The following KLHL3 variants were observed in gnomAD, a reference collection of about 807,000 sequenced individuals.
KLHL3 encodes kelch-like protein 3.
Under a neutral mutation model 70.5 loss-of-function variants are expected in KLHL3, and 19 were observed. The observed-to-expected ratio is 0.27, with a 90% CI of 0.19 to 0.40. The LOEUF (loss-of-function observed/expected upper bound fraction) is 0.40, where lower values mean the gene tolerates loss of function less well. Ranked by LOEUF, KLHL3 falls within the 10% of genes least tolerant of loss-of-function variation. The pLI, the probability that KLHL3 is intolerant of heterozygous loss-of-function variation, is 1.00. For synonymous variants in KLHL3, 258 were observed against 290.3 expected, an observed-to-expected ratio of 0.89 and a Z score of 1.13; for missense variants, 512 against 771.1, an observed-to-expected ratio of 0.66 and a Z score of 3.98.
intron 8 of KLHL3, among the ~76,000 whole-genome samples, chr5:137,650,993 A>G (rs1751187112): frequency 1.3e-5 from 2 of 152,228 alleles, no homozygotes; most frequent in African/African-American, 4.8e-5. Context: ...GGCTTGAATC[A>G]AACATTCTAG....
At chr5:137,624,138 T>C (rs1052713342) in intron 14 of KLHL3, among the ~76,000 whole-genome samples, 7 of 152,230 alleles carry the variant, frequency 4.6e-5, no homozygotes, top group African/African-American at 1.7e-4. Context: ...TTTTTGCTAT[T>C]ACAAGTAAGG....
intron 8 of KLHL3, among the ~76,000 whole-genome samples, chr5:137,652,180 A>G (rs1751217443): frequency 6.6e-6 from 1 of 152,198 alleles, no homozygotes; most frequent in Non-Finnish European, 1.5e-5. Flanking sequence ...AAAATAAACC[A>G]TAACAGAAAA....
rs145587873 is a variant in KLHL3 at position 137,630,850 on chromosome 5, G to A, written c.1451-2413C>T. On this transcript the variant is annotated intron_variant, in intron 12 of 14. Transcript: ENST00000309755. ...GGCAATGGCCCCACGTTCAGGAAGGGCCAACCTGTCAGAATCAGCAGAGAC... is the reference window on the plus strand; with the variant it reads ...GGCAATGGCCCCACGTTCAGGAAGGACCAACCTGTCAGAATCAGCAGAGAC... Among the ~76,000 whole-genome samples, 1,239 of 152,216 alleles carry A rather than the reference G, an allele frequency of 8.1e-3. 17 individuals are homozygous for A. The highest frequency in any genetic ancestry group is 0.028 in the African/African-American group (1,166 of 41,520).
intron 1 of KLHL3, among the ~76,000 whole-genome samples, chr5:137,727,226 CCT>C (rs148720291): frequency 1.2e-4 from 18 of 150,014 alleles, no homozygotes; most frequent in Non-Finnish European, 1.2e-4. Flanking sequence ...TATCTTCCTC[CCT>C]CTCTCTCTCT....
chr5:137,709,717 T>A, intron 3 of KLHL3, 33 bp downstream of exon 3: 3 of 1,524,590 alleles, frequency 2.0e-6, no homozygotes, highest in Non-Finnish European at 2.7e-6. Flanking sequence ...TGCAGCCCCA[T>A]AACCATGGGT....
chr5:137,707,063 G>A (rs1752699251), intron 3 of KLHL3, among the ~76,000 whole-genome samples: 1 of 152,178 alleles, frequency 6.6e-6, no homozygotes, highest in Non-Finnish European at 1.5e-5. Flanking sequence ...ATGAACGGGA[G>A]TCAGACAGGC....
intron 3 of KLHL3, chr5:137,706,129 G>A (rs1262724354): frequency 2.0e-6 from 2 of 985,248 alleles, no homozygotes; most frequent in African/African-American, 3.5e-5. Flanking sequence ...ACCACCTCAG[G>A]ACATTTGGGC....
Position 137,698,428 on chromosome 5 carries a change from C to A in KLHL3, c.242-20G>T, listed in dbSNP as rs1457510201. The A allele has an allele frequency of 6.2e-7, 1 of 1,613,766 alleles. No homozygotes were observed. Among genetic ancestry groups the A allele is most frequent in the Non-Finnish European group, 8.5e-7 (1 of 1,179,886 alleles). On this transcript the variant is annotated intron_variant, in intron 3 of 14. Transcript: ENST00000309755. The stretch of plus-strand genomic sequence containing the variant: ...TGTCACCTAGAGTTTACAACAAAAA[C>A]AAAATGACATAAATGTGGTACCTGG...
chr5:137,698,711 A>G (rs1281516648), intron 3 of KLHL3, among the ~76,000 whole-genome samples: 1 of 152,224 alleles, frequency 6.6e-6, no homozygotes. Flanking sequence ...GTAAACTTCC[A>G]TATACAAGGC....
At chr5:137,696,959 G>C (rs1752459609) in intron 4 of KLHL3, among the ~76,000 whole-genome samples, 1 of 152,100 alleles carries the variant, frequency 6.6e-6, no homozygotes, top group Admixed American at 6.5e-5. Context: ...AGCTCTCACA[G>C]CCATTTAACC....
intron 7 of KLHL3, among the ~76,000 whole-genome samples, chr5:137,658,614 A>G (rs1295446274): frequency 1.3e-5 from 2 of 152,206 alleles, no homozygotes; most frequent in African/African-American, 4.8e-5. Context: ...ACAAAAGACA[A>G]GTAGCCATCC....
intron 1 of KLHL3, among the ~76,000 whole-genome samples, chr5:137,727,796 T>A (rs1753108682): frequency 6.6e-6 from 1 of 152,178 alleles, no homozygotes; most frequent in Non-Finnish European, 1.5e-5. Flanking sequence ...TGTATTGTAT[T>A]CTAATTACCT....
In KLHL3 at chr5:137,628,072, G is replaced by T. The variant is rs993746193; in HGVS notation, c.1591+225C>A. ...AAAAGTCATCACCCTTCACTGCGGGGAAAGGGGATCCTCTGCATCTAGGTT... is the reference window on the plus strand; with the variant it reads ...AAAAGTCATCACCCTTCACTGCGGGTAAAGGGGATCCTCTGCATCTAGGTT... On this transcript the variant is annotated intron_variant, in intron 13 of 14. Coordinates refer to ENST00000309755, the MANE Select transcript of KLHL3 (RefSeq NM_017415.3). 14 of 559,012 alleles carry T rather than the reference G, an allele frequency of 2.5e-5. No individual in the cohort carries two copies. In the African/African-American group the frequency reaches 2.7e-4, roughly 11 times the overall value. The allele number at this position is 559,012 out of a possible 1,614,324, so 34.6% of individuals were successfully genotyped here.
intron 1 of KLHL3, among the ~76,000 whole-genome samples, chr5:137,733,015 GA>G (rs558083461): frequency 1.8e-3 from 267 of 149,782 alleles, no homozygotes; most frequent in Non-Finnish European, 2.9e-3. Context: ...TCATGGCAAA[GA>G]AAAAAAAAAT....
rs1580752007 is a variant in KLHL3, at chr5:137,676,015, G to A, written c.636+1530C>T. ...AGACAGTAAACGTGCTTGGTAAGAA[G>A]GAAGGGCATCCTCTCAGTTTCTGAC... On this transcript the variant is annotated intron_variant, in intron 6 of 14. Transcript: ENST00000309755. Among the ~76,000 whole-genome samples the A allele has an allele frequency of 2.6e-5, 4 of 152,138 alleles. No homozygotes were observed. The South Asian group carries it at 6.2e-4, about 24-fold the overall frequency.
chr5:137,723,226 T>C (rs1274323943), intron 1 of KLHL3, among the ~76,000 whole-genome samples: 1 of 152,184 alleles, frequency 6.6e-6, no homozygotes, highest in Admixed American at 6.5e-5. Flanking sequence ...AAGTCCCCAG[T>C]CCTATTATTA....
At chr5:137,633,278 CAAAAAAAAAA>C (rs56084512) in intron 12 of KLHL3, among the ~76,000 whole-genome samples, 1 of 72,004 alleles carries the variant, frequency 1.4e-5, no homozygotes, top group Non-Finnish European at 2.3e-5. Flanking sequence ...GACTTCATCT[CAAAAAAAAAA>C]AAAAAAAAAA....
At chr5:137,691,216 G>A (rs1429815282) in intron 5 of KLHL3, among the ~76,000 whole-genome samples, 2 of 152,166 alleles carry the variant, frequency 1.3e-5, no homozygotes, top group African/African-American at 4.8e-5. Context: ...CACTATGCAA[G>A]AGAAAAAGAC....
intron 2 of KLHL3, among the ~76,000 whole-genome samples, chr5:137,718,520 GA>G (rs1315165324): frequency 2.0e-5 from 3 of 152,112 alleles, no homozygotes; most frequent in Non-Finnish European, 4.4e-5. Flanking sequence ...AACAAACAAA[GA>G]AAAGAGGTTA....
Sources: allele counts gnomAD v4.1 joint callset (sites outside exome capture counted in the v4.1 genomes callset), GRCh38; gene constraint gnomAD v4.1.1; transcripts MANE v1.5; gene names NCBI Gene and HGNC (gene_info 2026-07-23, HGNC 2026-07-21).